Variants in ASS1 observed in about 807,000 individuals in gnomAD.
The protein encoded by ASS1 is argininosuccinate synthase 1.
In ASS1, 58 loss-of-function variants were observed where a neutral mutation model predicts 60.5. That is an observed-to-expected ratio of 0.96 (90% confidence interval 0.78 to 1.19). The LOEUF is 1.19. Among genes scored for constraint, ASS1 ranks in the 50% most tolerant of loss-of-function variants. ASS1 has a pLI of 0.00. For synonymous variants in ASS1, 200 were observed against 206.9 expected (o/e 0.97, Z 0.29); for missense variants, 454 against 547.3 (o/e 0.83, Z 1.70).
chr9:130,462,164 G>A (rs1845612238), intron 4 of ASS1, among the ~76,000 whole-genome samples: 2 of 151,066 alleles, frequency 1.3e-5, no homozygotes, highest in Non-Finnish European at 3.0e-5. Context: ...CCCTAGTTTT[G>A]GAAGAGGGGC....
intron 6 of ASS1, among the ~76,000 whole-genome samples, chr9:130,467,485 A>G (rs917626240): frequency 1.3e-5 from 2 of 152,118 alleles, no homozygotes; most frequent in African/African-American, 4.8e-5. Context: ...TCAGGTTTTT[A>G]AATAGCAGTC....
Position 130,494,890 on chromosome 9 carries a change from G to A in ASS1, c.994G>A (p.Glu332Lys), listed in dbSNP as rs1283242027. The A allele has an allele frequency of 6.2e-7, 1 of 1,613,290 alleles. No homozygotes were observed. The highest frequency in any genetic ancestry group is 8.5e-7 in the Non-Finnish European group (1 of 1,179,880). ...AGGTTTCTGGCACAGCCCTGAGTGTGAATTTGTCCGCCACTGCATCGCCAA... is the reference window on the plus strand; with the variant it reads ...AGGTTTCTGGCACAGCCCTGAGTGTAAATTTGTCCGCCACTGCATCGCCAA... ...YTGFWHSPEC[E>K]FVRHCIAKSQ... Residue 332 changes from glutamate to lysine, a missense_variant, in exon 13 of 15, where the codon GAA becomes AAA. By Grantham distance (56) the Glu-to-Lys change is moderately conservative. Transcript: ENST00000352480. This position sits in a 1 kb window ranked among gnomAD's most constrained non-coding sequence, Gnocchi z 4.3.
chr9:130,450,092 T>C (rs1271277470), intron 1 of ASS1, among the ~76,000 whole-genome samples: 4 of 152,136 alleles, frequency 2.6e-5, no homozygotes, highest in Non-Finnish European at 5.9e-5. Context: ...ACATATTTCC[T>C]GAATGCCTTC....
chr9:130,472,666 C>T (rs1042585054), intron 8 of ASS1, among the ~76,000 whole-genome samples: 1 of 152,158 alleles, frequency 6.6e-6, no homozygotes, highest in African/African-American at 2.4e-5. Flanking sequence ...GGCTGATGGC[C>T]CCTGTGTGTG....
At chr9:130,465,056 ATTT>A (rs796874986) in intron 5 of ASS1, among the ~76,000 whole-genome samples, 29 of 120,146 alleles carry the variant, frequency 2.4e-4, no homozygotes, top group African/African-American at 9.8e-4. Flanking sequence ...ATATATATAT[ATTT>A]TTTTTTTTTC....
rs572034480 is a variant in ASS1, at chr9:130,479,629, C to T, written c.689-87C>T. ...TCTGTCACATCCATTTAAGGCGTTT[C>T]GGGAGGAGGGAGAGGGTGGGGTGGC... is the stretch of plus-strand genomic sequence containing the variant. On this transcript the variant is annotated intron_variant, in intron 9 of 14. Transcript: ENST00000352480. 2.7e-4 allele frequency: 285 copies of T among 1,052,776 alleles called. 1 individual carries two copies. In the African/African-American group the frequency reaches 4.2e-3, roughly 15 times the overall value. 65.2% of individuals were successfully genotyped at this position (1,052,776 alleles called of 1,614,324 possible).
chr9:130,496,095 G>A (rs1012288855), intron 13 of ASS1, among the ~76,000 whole-genome samples: 1 of 152,116 alleles, frequency 6.6e-6, no homozygotes, highest in Non-Finnish European at 1.5e-5. Context: ...TGGGCCAAGA[G>A]AGACTGCCTA....
At chr9:130,479,883 G>A (rs781528287) in intron 10 of ASS1, 83 bp downstream of exon 10, 1 of 1,442,810 alleles carries the variant, frequency 6.9e-7, no homozygotes, top group South Asian at 1.1e-5. Flanking sequence ...GCTAATGGTT[G>A]TGGCTGAGGC....
intron 12 of ASS1, among the ~76,000 whole-genome samples, chr9:130,492,178 G>A (rs954717740): frequency 2.0e-5 from 3 of 152,190 alleles, no homozygotes; most frequent in East Asian, 1.9e-4. Context: ...GTGTGGAGGC[G>A]CGGCACTTGG....
intron 3 of ASS1, among the ~76,000 whole-genome samples, chr9:130,456,143 G>C (rs1027945226): frequency 5.3e-5 from 8 of 152,216 alleles, no homozygotes; most frequent in African/African-American, 1.9e-4. Flanking sequence ...AATTTACGTG[G>C]CGTTTTTAAT....
At position 130,452,939 on chromosome 9, in the gene ASS1, T is replaced by A. The variant is rs1054488881; in HGVS notation, c.105+606T>A. On this transcript the variant is annotated intron_variant, in intron 2 of 14. Transcript: ENST00000352480. Reference sequence around the variant, plus strand: ...GCTGTTCAGGACTCTTAGGTGCAAATTTTAGAAACTGAACTCAAACCAACT... The same window carrying A: ...GCTGTTCAGGACTCTTAGGTGCAAAATTTAGAAACTGAACTCAAACCAACT... Among the ~76,000 whole-genome samples, 5 of 152,302 alleles carry A rather than the reference T, an allele frequency of 3.3e-5. No homozygotes were observed. In the East Asian group the frequency reaches 9.6e-4, roughly 29 times the overall value.
intron 13 of ASS1, among the ~76,000 whole-genome samples, chr9:130,498,047 T>C (rs576652935): frequency 6.6e-6 from 1 of 152,150 alleles, no homozygotes; most frequent in Admixed American, 6.5e-5. Flanking sequence ...TACAGGAGCA[T>C]GGGAGTGACT....
At chr9:130,451,703 A>G (rs1845329960) in intron 1 of ASS1, 1 of 389,660 alleles carries the variant, frequency 2.6e-6, no homozygotes, top group African/African-American at 2.1e-5. Flanking sequence ...TGCCTCCCCA[A>G]TAGGAATGAC....
Position 130,477,394 on chromosome 9 carries a change from C to T in ASS1, c.688+433C>T, listed in dbSNP as rs1158564863. Among the ~76,000 whole-genome samples the T allele has an allele frequency of 5.9e-5, 9 of 152,266 alleles. No homozygotes were observed. Among genetic ancestry groups the T allele is most frequent in the Admixed American group, 2.6e-4 (4 of 15,302 alleles). ...GTGCTCAGTAAACGGTGAGTGTTGGCGAGCTGGCCTCATGGACCCCTGGGA... is the reference window on the plus strand; with the variant it reads ...GTGCTCAGTAAACGGTGAGTGTTGGTGAGCTGGCCTCATGGACCCCTGGGA... On this transcript the variant is annotated intron_variant, in intron 9 of 14. Transcript: ENST00000352480. The surrounding 1 kb of genome is among the most constrained non-coding windows in gnomAD (Gnocchi z 4.2).
intron 4 of ASS1, among the ~76,000 whole-genome samples, chr9:130,461,459 G>A (rs1045005802): frequency 9.1e-5 from 11 of 120,746 alleles, no homozygotes; most frequent in African/African-American, 2.5e-4. Context: ...GCGTGGTTCT[G>A]AGGAGAACGC....
Position 130,461,296 on chromosome 9 carries a change from C to T in ASS1, c.363+2707C>T, listed in dbSNP as rs150448658. 1.0e-3 allele frequency among the ~76,000 whole-genome samples: 154 copies of T among 152,326 alleles called. 1 individual carries two copies. The highest frequency in any genetic ancestry group is 3.3e-3 in the African/African-American group (137 of 41,572). On this transcript the variant is annotated intron_variant, in intron 4 of 14. Transcript: ENST00000352480. ...CCACCCCGGACCAGCCCACATTTAG[C>T]CTGCAACAGCCTCCCGCAGCCGTGT...
In ASS1 at chr9:130,478,363, G is replaced by A. The variant is rs1034189785; in HGVS notation, c.689-1353G>A. Reference sequence around the variant, plus strand: ...GGCTCCCAGGAGCCTGGAGAGCCGTGAGGGTGGGAGGCGGGTGGCAGGCTG... The same window carrying A: ...GGCTCCCAGGAGCCTGGAGAGCCGTAAGGGTGGGAGGCGGGTGGCAGGCTG... On this transcript the variant is annotated intron_variant, in intron 9 of 14. Transcript: ENST00000352480. This position sits in a 1 kb window ranked among gnomAD's most constrained non-coding sequence, Gnocchi z 4.7. Among the ~76,000 whole-genome samples, 2 of 152,162 alleles carry A rather than the reference G, an allele frequency of 1.3e-5. No individual in the cohort carries two copies. Among genetic ancestry groups the A allele is most frequent in the Non-Finnish European group, 2.9e-5 (2 of 68,034 alleles).
rs1419385905 is a variant in ASS1, at chr9:130,484,452, G to A, written c.838+4003G>A. 7.3e-5 allele frequency among the ~76,000 whole-genome samples: 11 copies of A among 150,416 alleles called. No homozygotes were observed. In the East Asian group the frequency reaches 2.0e-3, roughly 27 times the overall value. On this transcript the variant is annotated intron_variant, in intron 11 of 14. Coordinates refer to ENST00000352480, the MANE Select transcript of ASS1 (RefSeq NM_054012.4). Reference sequence around the variant, plus strand: ...ATCCTTGCCCGTCTCCCCACTCCCCGCTGCACCTTTCTTGGCAGTAATTAT... The same window carrying A: ...ATCCTTGCCCGTCTCCCCACTCCCCACTGCACCTTTCTTGGCAGTAATTAT...
chr9:130,451,739 G>A, intron 1 of ASS1: 1 of 420,024 alleles, frequency 2.4e-6, no homozygotes, highest in Non-Finnish European at 4.8e-6. Flanking sequence ...AGGTTGTAGT[G>A]GGGGCTCAGG....
Sources: allele counts gnomAD v4.1 joint callset (sites outside exome capture counted in the v4.1 genomes callset), GRCh38; gene constraint gnomAD v4.1.1; non-coding constraint Gnocchi (gnomAD v3.1); transcripts MANE v1.5; gene names NCBI Gene and HGNC (gene_info 2026-07-23, HGNC 2026-07-21).